The following PCDH15 variants were observed in gnomAD, a reference collection of about 807,000 sequenced individuals.
PCDH15 encodes protocadherin related 15.
In PCDH15, 129 loss-of-function variants were observed where a neutral mutation model predicts 178.5. The observed-to-expected ratio is 0.72, with a 90% CI of 0.63 to 0.84. The LOEUF (loss-of-function observed/expected upper bound fraction) is 0.84. PCDH15 is among the 40% of genes least tolerant of loss of function. The pLI is 0.00. For missense variants in PCDH15, 2,230 were observed against 2,099.9 expected, an observed-to-expected ratio of 1.06 and a Z score of -1.21; for synonymous variants, 800 against 732.0, an observed-to-expected ratio of 1.09 and a Z score of -1.50.
At chr10:53,813,721 C>T (rs988922030) in intron 35 of PCDH15, among the ~76,000 whole-genome samples, 2 of 152,162 alleles carry the variant, frequency 1.3e-5, no homozygotes, top group Non-Finnish European at 2.9e-5. Context: ...CATCGCACAA[C>T]AACATAAATG....
At chr10:55,319,046 ACAAAAC>A (rs1330313759) in intron 1 of PCDH15, among the ~76,000 whole-genome samples, 4 of 88,490 alleles carry the variant, frequency 4.5e-5, no homozygotes, top group Non-Finnish European at 8.1e-5. Flanking sequence ...AAGAAAACAA[ACAAAAC>A]ACACACACAC....
rs1009298535 is a variant in PCDH15 at position 54,627,660 on chromosome 10, G to T, written c.91+36512C>A. 9.2e-5 allele frequency among the ~76,000 whole-genome samples: 14 copies of T among 152,170 alleles called. 1 individual carries two copies. Among genetic ancestry groups the T allele is most frequent in the African/African-American group, 2.7e-4 (11 of 41,444 alleles). ...TGTGAAAATGGACTAATACAGCCAG[G>T]TTTTGGCAGAAACAAACATTAACTT... On this transcript the variant is annotated intron_variant, in intron 2 of 37. Coordinates refer to ENST00000644397, the MANE Select transcript of PCDH15 (RefSeq NM_001384140.1).
intron 1 of PCDH15, among the ~76,000 whole-genome samples, chr10:54,719,620 A>T (rs1249173270): frequency 6.6e-6 from 1 of 151,850 alleles, no homozygotes; most frequent in African/African-American, 2.4e-5. Flanking sequence ...TCAACCTGTT[A>T]TCTAGGTTTT....
intron 2 of PCDH15, among the ~76,000 whole-genome samples, chr10:55,068,862 G>C (rs1327365497): frequency 6.6e-6 from 1 of 151,040 alleles, no homozygotes; most frequent in East Asian, 1.9e-4. Context: ...CTTTTTTGTA[G>C]CTATTGTAAA....
chr10:54,863,117 T>A (rs1953873978), intron 3 of PCDH15, among the ~76,000 whole-genome samples: 1 of 152,238 alleles, frequency 6.6e-6, no homozygotes, highest in Non-Finnish European at 1.5e-5. Flanking sequence ...TATCCTGTTT[T>A]AACCTTTTAT....
At chr10:55,194,213 C>T (rs1328941793) in intron 1 of PCDH15, among the ~76,000 whole-genome samples, 4 of 152,018 alleles carry the variant, frequency 2.6e-5, no homozygotes, top group South Asian at 4.1e-4. Flanking sequence ...CATTGTCTTT[C>T]TTTCTTTCTT....
At chr10:55,412,503 C>A in intron 2 of PCDH15, among the ~76,000 whole-genome samples, 1 of 151,650 alleles carries the variant, frequency 6.6e-6, no homozygotes, top group East Asian at 1.9e-4. Flanking sequence ...TGAGAGAAAT[C>A]TTAAAAGGAA....
intron 5 of PCDH15, among the ~76,000 whole-genome samples, chr10:54,355,298 C>T (rs1356695417): frequency 3.3e-5 from 5 of 151,700 alleles, no homozygotes; most frequent in Non-Finnish European, 7.4e-5. Flanking sequence ...TATTCTAATA[C>T]TTGGTGAATA....
chr10:54,621,286 T>C (rs2093341745), intron 2 of PCDH15, among the ~76,000 whole-genome samples: 2 of 152,110 alleles, frequency 1.3e-5, no homozygotes, highest in South Asian at 2.1e-4. Flanking sequence ...CAGTAATTAC[T>C]ATTATTAATA....
At chr10:54,982,641 A>C (rs1200063536) in intron 2 of PCDH15, among the ~76,000 whole-genome samples, 3 of 152,152 alleles carry the variant, frequency 2.0e-5, no homozygotes, top group African/African-American at 7.2e-5. Flanking sequence ...CATTACACAA[A>C]AAGAGTCCAA....
intron 26 of PCDH15, among the ~76,000 whole-genome samples, chr10:53,883,472 T>C (rs1827470656): frequency 6.6e-6 from 1 of 152,150 alleles, no homozygotes; most frequent in African/African-American, 2.4e-5. Flanking sequence ...TACAAATCCC[T>C]GTGCTAAGGG....
At chr10:55,529,427 G>A (rs538855949) in intron 2 of PCDH15, among the ~76,000 whole-genome samples, 1 of 151,896 alleles carries the variant, frequency 6.6e-6, no homozygotes, top group African/African-American at 2.4e-5. Flanking sequence ...TGTTGCTCAG[G>A]CTAGACTTGA....
intron 1 of PCDH15, among the ~76,000 whole-genome samples, chr10:54,799,868 AC>A (rs1952465888): frequency 6.6e-6 from 1 of 152,158 alleles, no homozygotes; most frequent in Non-Finnish European, 1.5e-5. Flanking sequence ...AAACAAAAAA[AC>A]AGTTCACATG....
chr10:53,903,203 C>G, intron 26 of PCDH15, 40 bp downstream of exon 26: 2 of 1,608,574 alleles, frequency 1.2e-6, no homozygotes, highest in Non-Finnish European at 1.7e-6. Flanking sequence ...AAAACCTGAG[C>G]TTTTACTTTA....
At chr10:54,518,061 A>C (rs2082413870) in intron 3 of PCDH15, among the ~76,000 whole-genome samples, 1 of 152,228 alleles carries the variant, frequency 6.6e-6, no homozygotes, top group South Asian at 2.1e-4. Flanking sequence ...CATTCAAAGC[A>C]GTGTGTAGAG....
At chr10:54,707,531 C>T (rs1268189145) in intron 1 of PCDH15, among the ~76,000 whole-genome samples, 1 of 152,038 alleles carries the variant, frequency 6.6e-6, no homozygotes, top group East Asian at 1.9e-4. Context: ...TAAATAAATA[C>T]ACAAATAATA....
chr10:54,332,261 T>C (rs940053091), intron 6 of PCDH15, among the ~76,000 whole-genome samples: 39 of 109,408 alleles, frequency 3.6e-4, no homozygotes, highest in South Asian at 9.9e-4. Flanking sequence ...ATCTATATTA[T>C]ATATTATTAT....
chr10:54,718,152 C>A (rs2095503829), intron 1 of PCDH15, among the ~76,000 whole-genome samples: 2 of 149,332 alleles, frequency 1.3e-5, no homozygotes, highest in South Asian at 4.2e-4. Context: ...GGGAGATATA[C>A]CTAATGCTAG....
At chr10:55,504,012 G>C (rs1840710126) in intron 2 of PCDH15, among the ~76,000 whole-genome samples, 1 of 151,416 alleles carries the variant, frequency 6.6e-6, no homozygotes, top group Admixed American at 6.6e-5. Flanking sequence ...AGGGGACTTA[G>C]GCAAAAGCAA....
Sources: gnomAD v4.1 joint callset for allele counts (sites outside exome capture counted in the v4.1 genomes callset) on GRCh38, gnomAD v4.1.1 for gene constraint, MANE v1.5 for transcripts, NCBI Gene and HGNC (gene_info 2026-07-23, HGNC 2026-07-21) for gene names.